CFAP54: variants seen among roughly 807,000 people sequenced by gnomAD.
CFAP54 encodes the protein cilia- and flagella-associated protein 54.
In CFAP54, 290 loss-of-function variants were observed where a neutral mutation model predicts 370.4. The ratio of observed to expected loss-of-function variants is 0.78; its 90% CI spans 0.71 to 0.86. CFAP54 has a LOEUF of 0.86. Among genes scored for constraint, CFAP54 ranks in the 40% least tolerant of loss-of-function variants. The pLI is 0.00. For synonymous variants in CFAP54, 1,206 were observed against 1,236.5 expected (o/e 0.98, Z 0.52); for missense variants, 3,399 against 3,528.7 (o/e 0.96, Z 0.93).
At chr12:96,765,376 A>T (rs1958391807) in intron 60 of CFAP54, 158 bp downstream of exon 60, 2 of 481,396 alleles carry the variant, frequency 4.2e-6, no homozygotes, top group Non-Finnish European at 7.2e-6. Flanking sequence ...GCCAAAATAG[A>T]GGGCTCTTAG....
Position 96,743,860 on chromosome 12 carries a change from A to C in CFAP54, c.7507A>C (p.Thr2503Pro). Residue 2503 changes from threonine to proline, a missense_variant, in exon 54 of 68, where the codon ACA becomes CCA. This residue lies in a region of CFAP54 where 2,796 missense variants were observed against 2,869.7 expected (regional missense o/e 0.97). Transcript: ENST00000524981. ...EKFKESPSSK[T>P]GKLNLLTRAH... ...ATTCAAGGAATCTCCCTCTTCAAAA[A>C]CAGGAAAATTAAATTTGTTAACTCG... The C allele has an allele frequency of 1.2e-6, 2 of 1,613,780 alleles. No homozygotes were observed. The highest frequency in any genetic ancestry group is 2.2e-5 in the South Asian group (2 of 91,020).
At chr12:96,769,894 G>A (rs1958441605) in intron 60 of CFAP54, among the ~76,000 whole-genome samples, 1 of 152,116 alleles carries the variant, frequency 6.6e-6, no homozygotes, top group Non-Finnish European at 1.5e-5. Context: ...AATCACAACT[G>A]GGCTTTAATG....
chr12:96,716,500 C>T (rs1384388481), intron 48 of CFAP54, among the ~76,000 whole-genome samples: 1 of 152,100 alleles, frequency 6.6e-6, no homozygotes, highest in East Asian at 1.9e-4. Context: ...GTTCTGTTTC[C>T]CATTTGAGTT....
At chr12:96,858,289 A>T (rs895355462) in intron 66 of CFAP54, among the ~76,000 whole-genome samples, 12 of 152,128 alleles carry the variant, frequency 7.9e-5, no homozygotes, top group Non-Finnish European at 1.5e-5. Flanking sequence ...GGGTGCATGT[A>T]TGTCTTCTTT....
At position 96,852,747 on chromosome 12, in the gene CFAP54, C is replaced by A. The variant is rs915825901; in HGVS notation, c.9172-8072C>A. 3.3e-5 allele frequency among the ~76,000 whole-genome samples: 5 copies of A among 152,166 alleles called. No individual in the cohort carries two copies. In the East Asian group the frequency reaches 5.8e-4, roughly 18 times the overall value. ...GGAGAAATTTTTATATATACCCCAA[C>A]AAAGGACCTGTTTCTAGATTATATT... is the stretch of plus-strand genomic sequence containing the variant. On this transcript the variant is annotated intron_variant, in intron 66 of 67. Coordinates refer to ENST00000524981, the MANE Select transcript of CFAP54 (RefSeq NM_001306084.2).
intron 38 of CFAP54, among the ~76,000 whole-genome samples, chr12:96,663,603 C>T (rs1957021257): frequency 6.6e-6 from 1 of 152,052 alleles, no homozygotes; most frequent in Non-Finnish European, 1.5e-5. Context: ...ACATAATTTG[C>T]CTAACGTTCT....
At chr12:96,813,248 A>T (rs1372348480) in intron 64 of CFAP54, among the ~76,000 whole-genome samples, 1 of 152,184 alleles carries the variant, frequency 6.6e-6, no homozygotes, top group East Asian at 1.9e-4. Context: ...AGCCCCAGCC[A>T]CTGAGGCCAT....
intron 50 of CFAP54, among the ~76,000 whole-genome samples, chr12:96,726,939 T>C (rs1957848282): frequency 6.6e-6 from 1 of 152,220 alleles, no homozygotes; most frequent in African/African-American, 2.4e-5. Context: ...ATGTACCCAG[T>C]AGTCATTCAG....
At chr12:96,764,454 C>T (rs1958376884) in intron 59 of CFAP54, among the ~76,000 whole-genome samples, 1 of 152,064 alleles carries the variant, frequency 6.6e-6, no homozygotes, top group African/African-American at 2.4e-5. Flanking sequence ...AAGAGCCCAT[C>T]TCTACAAAAA....
rs375190252 is a variant in CFAP54 at position 96,564,780 on chromosome 12, T to G, written c.2619+15T>G. ...AACTTTTGATGGTAACAGTATTTCA[T>G]TTCTTCTTTTAATCCTGACATAAAA... is the stretch of plus-strand genomic sequence containing the variant. On this transcript the variant is annotated intron_variant, in intron 19 of 67. Coordinates refer to ENST00000524981, the MANE Select transcript of CFAP54 (RefSeq NM_001306084.2). 2.6e-5 allele frequency: 15 copies of G among 581,766 alleles called. No individual in the cohort carries two copies. The highest frequency in any genetic ancestry group is 6.7e-5 in the Admixed American group (2 of 29,680). The allele number at this position is 581,766 out of a possible 1,614,324, so 36.0% of individuals were successfully genotyped here. A position where few individuals can be genotyped will look rare whatever the true frequency, so the allele number is the denominator to read the frequency against.
At chr12:96,659,029 C>CA (rs1336091580) in intron 38 of CFAP54, among the ~76,000 whole-genome samples, 1 of 151,366 alleles carries the variant, frequency 6.6e-6, no homozygotes, top group Non-Finnish European at 1.5e-5. Flanking sequence ...GAGTGTCTTT[C>CA]TTTTTTTGAA....
intron 66 of CFAP54, among the ~76,000 whole-genome samples, chr12:96,854,014 A>T (rs1959630183): frequency 6.6e-6 from 1 of 152,042 alleles, no homozygotes; most frequent in African/African-American, 2.4e-5. Context: ...ATTTTTTTTA[A>T]AAAGCCATTC....
At chr12:96,522,814 C>G (rs1038403255) in intron 8 of CFAP54, among the ~76,000 whole-genome samples, 2 of 152,182 alleles carry the variant, frequency 1.3e-5, no homozygotes, top group Non-Finnish European at 2.9e-5. Context: ...AAAGAGAGTT[C>G]TGGGGGACCT....
intron 55 of CFAP54, among the ~76,000 whole-genome samples, chr12:96,747,231 A>G (rs979753645): frequency 1.3e-5 from 2 of 152,230 alleles, no homozygotes; most frequent in African/African-American, 4.8e-5. Context: ...TAATTTTTAT[A>G]CAATGGAAAG....
intron 14 of CFAP54, among the ~76,000 whole-genome samples, chr12:96,545,821 G>C (rs763736072): frequency 4.2e-4 from 64 of 152,156 alleles, no homozygotes; most frequent in Non-Finnish European, 5.7e-4. Context: ...CTCCATAAAA[G>C]GTCCATGAGG....
intron 46 of CFAP54, among the ~76,000 whole-genome samples, chr12:96,702,767 G>T (rs999090554): frequency 6.6e-6 from 1 of 152,168 alleles, no homozygotes; most frequent in Non-Finnish European, 1.5e-5. Flanking sequence ...GTGTGTTCAG[G>T]ATTTATAATT....
At chr12:96,857,078 T>G (rs1313981162) in intron 66 of CFAP54, among the ~76,000 whole-genome samples, 1 of 152,148 alleles carries the variant, frequency 6.6e-6, no homozygotes, top group Non-Finnish European at 1.5e-5. Context: ...GAAAAGCCCC[T>G]TATAAAACCA....
chr12:96,710,379 A>G (rs1957597453), intron 48 of CFAP54, among the ~76,000 whole-genome samples: 1 of 152,186 alleles, frequency 6.6e-6, no homozygotes, highest in Admixed American at 6.5e-5. Flanking sequence ...TGGATGGGTA[A>G]AGCAGAGTGA....
At chr12:96,776,212 A>T (rs1290688401) in intron 60 of CFAP54, among the ~76,000 whole-genome samples, 1 of 152,122 alleles carries the variant, frequency 6.6e-6, no homozygotes, top group Non-Finnish European at 1.5e-5. Flanking sequence ...TTAAGAAATT[A>T]AATTTTTAAA....
Sources: gnomAD v4.1 joint callset for allele counts (sites outside exome capture counted in the v4.1 genomes callset) on GRCh38, gnomAD v4.1.1 for gene constraint, gnomAD v4.1.1 regional missense constraint, MANE v1.5 for transcripts, NCBI Gene and HGNC (gene_info 2026-07-23, HGNC 2026-07-21) for gene names.